The following MITF variants were observed in gnomAD, a reference collection of about 807,000 sequenced individuals.
MITF encodes the protein microphthalmia-associated transcription factor.
MITF carries 17 observed loss-of-function variants against 60.5 expected under a neutral mutation model. That is an observed-to-expected ratio of 0.28 (90% confidence interval 0.19 to 0.42). MITF has a LOEUF of 0.42. Among genes scored for constraint, MITF ranks in the 10% least tolerant of loss-of-function variants. The pLI is 1.00. For missense variants in MITF, 622 were observed against 683.5 expected (o/e 0.91, Z 1.00); for synonymous variants, 260 against 248.5 (o/e 1.05, Z -0.43).
chr3:69,829,266 G>A (rs1348178245), intron 1 of MITF, among the ~76,000 whole-genome samples: 1 of 152,052 alleles, frequency 6.6e-6, no homozygotes, highest in Non-Finnish European at 1.5e-5. Context: ...TGCCACAGAC[G>A]GTTTAGAAGC....
intron 2 of MITF, among the ~76,000 whole-genome samples, chr3:69,882,473 T>C: frequency 6.6e-6 from 1 of 152,276 alleles, no homozygotes; most frequent in South Asian, 2.1e-4. Flanking sequence ...AGGATGCTCT[T>C]TTACCATAAA....
At chr3:69,940,224 C>T (rs547343232) in intron 4 of MITF, among the ~76,000 whole-genome samples, 5 of 152,212 alleles carry the variant, frequency 3.3e-5, no homozygotes, top group East Asian at 3.9e-4. Flanking sequence ...AGCAGGAGAA[C>T]GGGGATTCCA....
intron 1 of MITF, among the ~76,000 whole-genome samples, chr3:69,770,175 T>C (rs1270009319): frequency 3.3e-5 from 5 of 152,188 alleles, no homozygotes; most frequent in Middle Eastern, 3.2e-3. Context: ...TACCTCCTAA[T>C]TCCTTCTCCC....
chr3:69,953,462 C>T (rs2066308180), intron 7 of MITF, among the ~76,000 whole-genome samples: 1 of 151,654 alleles, frequency 6.6e-6, no homozygotes, highest in South Asian at 2.1e-4. Flanking sequence ...GTTAGATTGC[C>T]CCTTGGTCAA....
chr3:69,946,607 A>T (rs1031607876), intron 5 of MITF, among the ~76,000 whole-genome samples: 6 of 152,166 alleles, frequency 3.9e-5, no homozygotes, highest in African/African-American at 1.2e-4. Context: ...CCAAAAAATG[A>T]GATGACCCCC....
rs575091204 is a variant in MITF, at chr3:69,827,646, G to C, written c.105-51488G>C. Among the ~76,000 whole-genome samples the C allele has an allele frequency of 2.0e-5, 3 of 152,234 alleles. No individual in the cohort carries two copies. In the East Asian group the frequency reaches 5.8e-4, roughly 29 times the overall value. On this transcript the variant is annotated intron_variant, in intron 1 of 9. Transcript: ENST00000352241. The stretch of plus-strand genomic sequence containing the variant: ...AAGGGACTTGGCACAGAGTCCCTTG[G>C]CTCAGTCATGTTTTAAACATGTTTT...
chr3:69,821,967 G>A (rs993525593), intron 1 of MITF, among the ~76,000 whole-genome samples: 5 of 152,042 alleles, frequency 3.3e-5, no homozygotes, highest in Non-Finnish European at 5.9e-5. Flanking sequence ...GGTCTAGAAC[G>A]CCTGGGCTCA....
intron 1 of MITF, among the ~76,000 whole-genome samples, chr3:69,787,187 A>T (rs1027856967): frequency 6.6e-6 from 1 of 152,194 alleles, no homozygotes; most frequent in Non-Finnish European, 1.5e-5. Context: ...AGTGCATGTG[A>T]TGAAGGAATG....
intron 2 of MITF, among the ~76,000 whole-genome samples, chr3:69,907,810 T>A (rs1259385940): frequency 6.6e-6 from 1 of 152,166 alleles, no homozygotes; most frequent in African/African-American, 2.4e-5. Context: ...CAAAACACAG[T>A]AATTGCTCTT....
rs546364406 is a variant in MITF, at chr3:69,892,071, C to A, written c.354+12688C>A. ...ATTTGTAAATTAAATATGTATGTCACATATGTACCATTCATCTCTTTTACT... is the reference window on the plus strand; with the variant it reads ...ATTTGTAAATTAAATATGTATGTCAAATATGTACCATTCATCTCTTTTACT... On this transcript the variant is annotated intron_variant, in intron 2 of 9. Transcript: ENST00000352241. Among the ~76,000 whole-genome samples, 12 of 152,228 alleles carry A rather than the reference C, an allele frequency of 7.9e-5. No individual in the cohort carries two copies. In the South Asian group the frequency reaches 2.5e-3, roughly 32 times the overall value.
intron 2 of MITF, among the ~76,000 whole-genome samples, chr3:69,895,253 C>T (rs1361239696): frequency 6.6e-6 from 1 of 152,228 alleles, no homozygotes; most frequent in Non-Finnish European, 1.5e-5. Flanking sequence ...ATAATACTTA[C>T]AGTTCCACTA....
At chr3:69,876,383 T>G (rs1482518458) in intron 1 of MITF, among the ~76,000 whole-genome samples, 1 of 152,172 alleles carries the variant, frequency 6.6e-6, no homozygotes, top group Non-Finnish European at 1.5e-5. Flanking sequence ...GCTTATTTAT[T>G]TATTTATTTT....
intron 1 of MITF, among the ~76,000 whole-genome samples, chr3:69,795,113 T>C (rs2062807308): frequency 6.6e-6 from 1 of 152,218 alleles, no homozygotes. Flanking sequence ...TTTGGGTAAA[T>C]ACCTGGGAGT....
At chr3:69,759,330 A>G (rs1358530685) in intron 1 of MITF, among the ~76,000 whole-genome samples, 2 of 152,220 alleles carry the variant, frequency 1.3e-5, no homozygotes, top group Non-Finnish European at 2.9e-5. Context: ...GCCATACTGA[A>G]TAGAGGAGTC....
chr3:69,747,933 G>A (rs1375608943), intron 1 of MITF, among the ~76,000 whole-genome samples: 1 of 152,182 alleles, frequency 6.6e-6, no homozygotes, highest in African/African-American at 2.4e-5. Flanking sequence ...AGGAAAGCCT[G>A]AGATTGATTT....
intron 1 of MITF, among the ~76,000 whole-genome samples, chr3:69,866,688 T>C (rs1559683796): frequency 6.6e-6 from 1 of 152,192 alleles, no homozygotes; most frequent in Non-Finnish European, 1.5e-5. Flanking sequence ...GCTTGATTTA[T>C]GATTGCAAGA....
At chr3:69,854,940 A>G (rs1348522376) in intron 1 of MITF, among the ~76,000 whole-genome samples, 1 of 152,326 alleles carries the variant, frequency 6.6e-6, no homozygotes, top group South Asian at 2.1e-4. Flanking sequence ...GAATCACAGA[A>G]GTTACCTTCC....
chr3:69,812,629 T>C (rs142871478), intron 1 of MITF, among the ~76,000 whole-genome samples: 1 of 152,346 alleles, frequency 6.6e-6, no homozygotes, highest in African/African-American at 2.4e-5. Flanking sequence ...GTTTTTCAAA[T>C]ATATATTTTT....
intron 1 of MITF, among the ~76,000 whole-genome samples, chr3:69,814,194 A>G (rs150193579): frequency 6.6e-6 from 1 of 152,172 alleles, no homozygotes; most frequent in Non-Finnish European, 1.5e-5. Flanking sequence ...TTAAATAATC[A>G]ATTCTCCATA....
Sources: gnomAD v4.1 joint callset for allele counts (sites outside exome capture counted in the v4.1 genomes callset) on GRCh38, gnomAD v4.1.1 for gene constraint, MANE v1.5 for transcripts, NCBI Gene and HGNC (gene_info 2026-07-23, HGNC 2026-07-21) for gene names.